The following IFNA17 variants were observed in gnomAD, a reference collection of about 807,000 sequenced individuals.
IFNA17 encodes the protein interferon alpha-17.
For synonymous variants in IFNA17, 107 were observed against 80.5 expected (o/e 1.33, Z -1.76); for missense variants, 285 against 212.7 (o/e 1.34, Z -2.11).
rs1326548651 is a variant in IFNA17 at position 21,228,121 on chromosome 9, G to T, written c.53C>A (p.Ser18Tyr). The change falls in exon 1 of 1, where the codon TCC (serine) becomes TAC (tyrosine). Residue 18 changes from serine (S) to tyrosine (Y), a missense_variant. Ser to Tyr is a moderately radical substitution (Grantham distance 144). Transcript: ENST00000413767. ...CAGATCACAGCCTAGAGAACAGATG[G>T]ATTTGTAGCTGAGCACCAGCACGGC... The part of the protein sequence containing the change: ...LMAVLVLSYK[S>Y]ICSLGCDLPQ... 6.2e-7 allele frequency: 1 copy of T among 1,614,012 alleles called. No homozygotes were observed. The highest frequency in any genetic ancestry group is 8.5e-7 in the Non-Finnish European group (1 of 1,179,986).
Position 21,228,077 on chromosome 9 carries a change from C to G in IFNA17, c.97G>C (p.Gly33Arg), listed in dbSNP as rs150852151. The part of the protein sequence containing the change: ...GCDLPQTHSL[G>R]NRRALILLAQ... ...AGGAGTATCAAGGCCCTCCTATTAC[C>G]CAGGCTGTGGGTCTGAGGCAGATCA... Residue 33 changes from glycine (G) to arginine (R), a missense_variant, in exon 1 of 1, where the codon GGT becomes CGT. Coordinates refer to ENST00000413767, the MANE Select transcript of IFNA17 (RefSeq NM_021268.2). 76 of 1,614,064 alleles carry G rather than the reference C, an allele frequency of 4.7e-5. No individual in the cohort carries two copies. The African/African-American group carries it at 6.3e-4, about 13-fold the overall frequency.
rs1818657559 is a variant in IFNA17 at position 21,228,196 on chromosome 9, G to A, written c.-23C>T. On this transcript the variant is annotated 5_prime_UTR_variant, in exon 1 of 1. Transcript: ENST00000413767. ...CATTGGGATGTTGCAAATGTTGCTA[G>A]GCTACTTGAGATGGGTAACCTTGAA... 1 of 1,596,622 alleles carries A rather than the reference G, an allele frequency of 6.3e-7. No homozygotes were observed. Among genetic ancestry groups the A allele is most frequent in the South Asian group, 1.1e-5 (1 of 88,146 alleles).
In IFNA17 at chr9:21,228,218, T is replaced by C. The variant is rs1385941442; in HGVS notation, c.-45A>G. On this transcript the variant is annotated 5_prime_UTR_variant, in exon 1 of 1. Coordinates refer to ENST00000413767, the MANE Select transcript of IFNA17 (RefSeq NM_021268.2). ...CTAGGCTACTTGAGATGGGTAACCT[T>C]GAACTTTGGCCTCTAGGTTTTCTGA... 2 of 1,574,248 alleles carry C rather than the reference T, an allele frequency of 1.3e-6. No homozygotes were observed. Among genetic ancestry groups the C allele is most frequent in the African/African-American group, 2.7e-5 (2 of 73,390 alleles).
chr9:21,227,595 A>T lies in IFNA17; in HGVS notation c.*9T>A, dbSNP rs766466569. ...GTCAATCAGGATCATTGCCATGTTG[A>T]ACCAGTTTTCAATCCTTCCTCCTTA... On this transcript the variant is annotated 3_prime_UTR_variant, in exon 1 of 1. Transcript: ENST00000413767. 2.0e-5 allele frequency: 32 copies of T among 1,611,456 alleles called. No homozygotes were observed. Among genetic ancestry groups the T allele is most frequent in the Non-Finnish European group, 2.7e-5 (32 of 1,179,568 alleles).
At position 21,227,589 on chromosome 9, in the gene IFNA17, A is replaced by C. The variant is rs1196810210; in HGVS notation, c.*15T>G. 1 of 1,611,188 alleles carries C rather than the reference A, an allele frequency of 6.2e-7. No homozygotes were observed. The highest frequency in any genetic ancestry group is 2.2e-5 in the East Asian group (1 of 44,846). ...GTATTAGTCAATCAGGATCATTGCC[A>C]TGTTGAACCAGTTTTCAATCCTTCC... On this transcript the variant is annotated 3_prime_UTR_variant, in exon 1 of 1. Transcript: ENST00000413767.
chr9:21,228,163 G>T lies in IFNA17; in HGVS notation c.11C>A (p.Ser4Tyr), dbSNP rs1818656296. The change falls in exon 1 of 1, where the codon TCC becomes TAC. Residue 4 changes from serine (S) to tyrosine (Y), a missense_variant. Ser to Tyr is a moderately radical substitution (Grantham distance 144, BLOSUM62 -2). Coordinates refer to ENST00000413767, the MANE Select transcript of IFNA17 (RefSeq NM_021268.2). ...CAGCACGGCCATCAGTAAAGAAAAG[G>T]ACAGGGCCATTGGGATGTTGCAAAT... MAL[S>Y]FSLLMAVLVL... 6.2e-7 allele frequency: 1 copy of T among 1,611,862 alleles called. No individual in the cohort carries two copies. The highest frequency in any genetic ancestry group is 8.5e-7 in the Non-Finnish European group (1 of 1,178,940).
In IFNA17 at chr9:21,228,007, C is replaced by G. The variant is rs773497643; in HGVS notation, c.167G>C (p.Arg56Thr). 14 of 1,614,074 alleles carry G rather than the reference C, an allele frequency of 8.7e-6. No individual in the cohort carries two copies. Among genetic ancestry groups the G allele is most frequent in the Non-Finnish European group, 1.1e-5 (13 of 1,180,014 alleles). The stretch of plus-strand genomic sequence containing the variant: ...CTCCTGGGGAAGTCCAAAGTCATGT[C>G]TGTCCTTCAGGCAGGAGAAAGGAGA... Reference protein sequence around the residue: ...RISPFSCLKDRHDFGLPQEEF... With the variant: ...RISPFSCLKDTHDFGLPQEEF... The change falls in exon 1 of 1, where the codon AGA becomes ACA. Residue 56 changes from arginine (R) to threonine (T), a missense_variant. By Grantham distance (71) the Arg-to-Thr change is moderately conservative. Coordinates refer to ENST00000413767, the MANE Select transcript of IFNA17 (RefSeq NM_021268.2).
At position 21,228,130 on chromosome 9, in the gene IFNA17, C is replaced by G. The variant is rs1196691522; in HGVS notation, c.44G>C (p.Ser15Thr). Residue 15 changes from serine (S) to threonine (T), a missense_variant, in exon 1 of 1, where the codon AGC becomes ACC. Ser to Thr is a moderately conservative substitution (Grantham distance 58). Transcript: ENST00000413767. The stretch of plus-strand genomic sequence containing the variant: ...GCCTAGAGAACAGATGGATTTGTAG[C>G]TGAGCACCAGCACGGCCATCAGTAA... ...FSLLMAVLVL[S>T]YKSICSLGCD... is the part of the protein sequence containing the mutation. 3 of 1,614,012 alleles carry G rather than the reference C, an allele frequency of 1.9e-6. No homozygotes were observed. Among genetic ancestry groups the G allele is most frequent in the South Asian group, 1.1e-5 (1 of 91,060 alleles).
chr9:21,227,506 G>T lies in IFNA17; in HGVS notation c.*98C>A. 1.4e-5 allele frequency: 21 copies of T among 1,547,754 alleles called. No individual in the cohort carries two copies. The highest frequency in any genetic ancestry group is 1.8e-5 in the Non-Finnish European group (21 of 1,147,218). Reference sequence around the variant, plus strand: ...ACATTTGAAAATTTTGATTCAACTCGTGGTGGTTATAGAAGTGAGTCTTTG... The same window carrying T: ...ACATTTGAAAATTTTGATTCAACTCTTGGTGGTTATAGAAGTGAGTCTTTG... On this transcript the variant is annotated 3_prime_UTR_variant, in exon 1 of 1. Coordinates refer to ENST00000413767, the MANE Select transcript of IFNA17 (RefSeq NM_021268.2).
In IFNA17 at chr9:21,227,375, TTAAA is replaced by T. The variant is rs1418503245; in HGVS notation, c.*225_*228del. On this transcript the variant is annotated 3_prime_UTR_variant, in exon 1 of 1. Coordinates refer to ENST00000413767, the MANE Select transcript of IFNA17 (RefSeq NM_021268.2). Reference sequence around the variant, plus strand: ...AAAATAATTTAAATCTTAAAAATAATTAAATAAATATTTAAATAAATAGATGAAC... The same window carrying T: ...AAAATAATTTAAATCTTAAAAATAATTAAATATTTAAATAAATAGATGAAC... The T allele has an allele frequency of 7.1e-6, 2 of 280,916 alleles. No individual in the cohort carries two copies. The highest frequency in any genetic ancestry group is 5.4e-5 in the Admixed American group (1 of 18,602). 17.4% of individuals were successfully genotyped at this position (280,916 alleles called of 1,614,324 possible).
Position 21,227,993 on chromosome 9 carries a change from G to A in IFNA17, c.181C>T (p.Leu61Phe), listed in dbSNP as rs1402524554. 9 of 1,613,822 alleles carry A rather than the reference G, an allele frequency of 5.6e-6. No homozygotes were observed. Among genetic ancestry groups the A allele is most frequent in the African/African-American group, 4.0e-5 (3 of 75,012 alleles). ...TTGCCATCAAACTCCTCCTGGGGAA[G>A]TCCAAAGTCATGTCTGTCCTTCAGG... ...SCLKDRHDFGLPQEEFDGNQF... is the reference protein window; with the variant it reads ...SCLKDRHDFGFPQEEFDGNQF... The change falls in exon 1 of 1, where the codon CTT becomes TTT. Residue 61 changes from leucine to phenylalanine, a missense_variant. By Grantham distance (22) the Leu-to-Phe change is conservative. Coordinates refer to ENST00000413767, the MANE Select transcript of IFNA17 (RefSeq NM_021268.2).
In IFNA17 at chr9:21,227,972, C is replaced by T; in HGVS notation, c.202G>A (p.Gly68Ser). The T allele has an allele frequency of 1.2e-6, 2 of 1,613,992 alleles. No individual in the cohort carries two copies. Among genetic ancestry groups the T allele is most frequent in the Non-Finnish European group, 1.7e-6 (2 of 1,179,974 alleles). ...GCTTGAGTCTTCTGGAACTGGTTGC[C>T]ATCAAACTCCTCCTGGGGAAGTCCA... ...DFGLPQEEFD[G>S]NQFQKTQAIS... The change falls in exon 1 of 1, where the codon GGC (glycine) becomes AGC (serine). Residue 68 changes from glycine to serine, a missense_variant. Transcript: ENST00000413767.
chr9:21,227,910 G>A lies in IFNA17; in HGVS notation c.264C>T (p.Phe88=). 1 of 1,613,844 alleles carries A rather than the reference G, an allele frequency of 6.2e-7. No homozygotes were observed. ...SVLHEMIQQT[F]NLFSTEDSSA... The stretch of plus-strand genomic sequence containing the variant: ...ATGAGTCCTCTGTGCTGAAGAGATT[G>A]AAGGTCTGCTGGATCATCTCATGGA... The change falls in exon 1 of 1, where the codon TTC becomes TTT. Residue 88 remains phenylalanine (F), a synonymous_variant. Transcript: ENST00000413767.
At position 21,227,893 on chromosome 9, in the gene IFNA17, T is replaced by A; in HGVS notation, c.281A>T (p.Glu94Val). ...CTGTTCCCAAGCAGCAGATGAGTCC[T>A]CTGTGCTGAAGAGATTGAAGGTCTG... ...IQQTFNLFST[E>V]DSSAAWEQSL... The change falls in exon 1 of 1, where the codon GAG becomes GTG. Residue 94 changes from glutamate (E) to valine (V), a missense_variant. By Grantham distance (121) the Glu-to-Val change is moderately radical. Transcript: ENST00000413767. 6.2e-7 allele frequency: 1 copy of A among 1,613,876 alleles called. No individual in the cohort carries two copies. The highest frequency in any genetic ancestry group is 8.5e-7 in the Non-Finnish European group (1 of 1,179,878).
At position 21,227,245 on chromosome 9, in the gene IFNA17, A is replaced by C. The variant is rs1376570301; in HGVS notation, c.*359T>G. 1 of 152,702 alleles carries C rather than the reference A, an allele frequency of 6.5e-6. No homozygotes were observed. The highest frequency in any genetic ancestry group is 2.4e-5 in the African/African-American group (1 of 41,470). The allele number at this position is 152,702 out of a possible 1,614,324, so 9.5% of individuals were successfully genotyped here. On this transcript the variant is annotated 3_prime_UTR_variant, in exon 1 of 1. Transcript: ENST00000413767. ...AATAAACAAACACAAGAAATTTTGTATAGTAAAAATTTAATGAAAAAGGAA... is the reference window on the plus strand; with the variant it reads ...AATAAACAAACACAAGAAATTTTGTCTAGTAAAAATTTAATGAAAAAGGAA...
rs564255354 is a variant in IFNA17, at chr9:21,227,736, G to A, written c.438C>T (p.Tyr146=). Residue 146 remains tyrosine, a synonymous_variant, in exon 1 of 1, where the codon TAC becomes TAT. Coordinates refer to ENST00000413767, the MANE Select transcript of IFNA17 (RefSeq NM_021268.2). ...TTAGATAAAGAGTGATTCTTTGGAAGTATTTCCTCACAGCCAGGATGGAGT... is the reference window on the plus strand; with the variant it reads ...TTAGATAAAGAGTGATTCTTTGGAAATATTTCCTCACAGCCAGGATGGAGT... ...NEDSILAVRK[Y]FQRITLYLTE... 1.5e-5 allele frequency: 25 copies of A among 1,614,038 alleles called. No individual in the cohort carries two copies. Among genetic ancestry groups the A allele is most frequent in the South Asian group, 1.2e-4 (11 of 91,084 alleles).
rs140273203 is a variant in IFNA17 at position 21,227,969 on chromosome 9, T to G, written c.205A>C (p.Asn69His). 55 of 1,613,838 alleles carry G rather than the reference T, an allele frequency of 3.4e-5. No homozygotes were observed. Among genetic ancestry groups the G allele is most frequent in the African/African-American group, 3.1e-4 (23 of 75,002 alleles). ...FGLPQEEFDG[N>H]QFQKTQAISV... ...ATGGCTTGAGTCTTCTGGAACTGGT[T>G]GCCATCAAACTCCTCCTGGGGAAGT... The change falls in exon 1 of 1, where the codon AAC becomes CAC. Residue 69 changes from asparagine to histidine, a missense_variant. Physicochemically the swap from Asn to His is moderately conservative, Grantham distance 68. Coordinates refer to ENST00000413767, the MANE Select transcript of IFNA17 (RefSeq NM_021268.2).
chr9:21,227,666 C>G lies in IFNA17; in HGVS notation c.508G>C (p.Glu170Gln). 6.2e-7 allele frequency: 1 copy of G among 1,613,634 alleles called. No homozygotes were observed. The highest frequency in any genetic ancestry group is 1.1e-5 in the South Asian group (1 of 91,010). The change falls in exon 1 of 1, where the codon GAA becomes CAA. Residue 170 changes from glutamate to glutamine, a missense_variant. Coordinates refer to ENST00000413767, the MANE Select transcript of IFNA17 (RefSeq NM_021268.2). ...GAAAAAGAGAGAGATCTCATGATTT[C>G]TGCTCTGACAACCTCCCAGGCACAA... ...SPCAWEVVRAEIMRSLSFSTN... is the reference protein window; with the variant it reads ...SPCAWEVVRAQIMRSLSFSTN...
At chr9:21,227,921 G>A in the IFNA17 span, 4 of 1,613,824 alleles carry the variant, frequency 2.5e-6, no homozygotes, top group Non-Finnish European at 3.4e-6. Flanking sequence ...AAGGTCTGCT[G>A]GATCATCTCA....
Sources: allele counts gnomAD v4.1 joint callset, GRCh38; gene constraint gnomAD v4.1.1; transcripts MANE v1.5; gene names NCBI Gene and HGNC (gene_info 2026-07-23, HGNC 2026-07-21).